Variants in HIPK2 observed in about 807,000 individuals in gnomAD.
The protein encoded by HIPK2 is homeodomain-interacting protein kinase 2.
HIPK2 carries 27 observed loss-of-function variants against 113.7 expected under a neutral mutation model. The observed-to-expected ratio is 0.24, with a 90% CI of 0.17 to 0.33. HIPK2 has a LOEUF of 0.33. HIPK2 is among the 10% of genes least tolerant of loss of function. The pLI is 1.00. For missense variants in HIPK2, 1,257 were observed against 1,588.0 expected (o/e 0.79, Z 3.54); for synonymous variants, 631 against 642.2 (o/e 0.98, Z 0.26).
intron 1 of HIPK2, among the ~76,000 whole-genome samples, chr7:139,735,766 C>G (rs1206528562): frequency 6.6e-6 from 1 of 152,180 alleles, no homozygotes; most frequent in Non-Finnish European, 1.5e-5. Context: ...CAGGGGTGAG[C>G]TGAAACACAG....
intron 2 of HIPK2, among the ~76,000 whole-genome samples, chr7:139,698,510 G>A (rs1794623669): frequency 6.6e-6 from 1 of 152,204 alleles, no homozygotes; most frequent in African/African-American, 2.4e-5. Flanking sequence ...GCAATTCTAT[G>A]CTTACGTTTT....
intron 7 of HIPK2, among the ~76,000 whole-genome samples, chr7:139,618,151 T>A (rs1800119758): frequency 6.6e-6 from 1 of 152,170 alleles, no homozygotes; most frequent in Admixed American, 6.5e-5. Flanking sequence ...TCCTCTAAAA[T>A]GGAAATGATA....
chr7:139,593,708 G>T (rs576900285), intron 12 of HIPK2, among the ~76,000 whole-genome samples: 3 of 152,192 alleles, frequency 2.0e-5, no homozygotes, highest in African/African-American at 7.2e-5. Context: ...TGGCACTGGG[G>T]TAAGTAGCAA....
rs1414586248 is a variant in HIPK2, at chr7:139,732,958, G to A, written c.20-15943C>T. 6.6e-5 allele frequency among the ~76,000 whole-genome samples: 10 copies of A among 151,758 alleles called. No individual in the cohort carries two copies. The East Asian group carries it at 1.7e-3, about 26-fold the overall frequency. ...TGGGAGGTGACTGGATCATGCGGGT[G>A]GTTTCTCAAGAATGGTTTAGCACCA... On this transcript the variant is annotated intron_variant, in intron 1 of 14. Coordinates refer to ENST00000406875, the MANE Select transcript of HIPK2 (RefSeq NM_022740.5).
intron 2 of HIPK2, among the ~76,000 whole-genome samples, chr7:139,649,028 C>T (rs1801354172): frequency 6.6e-6 from 1 of 152,074 alleles, no homozygotes; most frequent in Non-Finnish European, 1.5e-5. Context: ...CACCATATTT[C>T]CTCTGTTCTT....
intron 12 of HIPK2, among the ~76,000 whole-genome samples, chr7:139,590,085 G>A (rs907672446): frequency 4.6e-5 from 7 of 152,154 alleles, no homozygotes; most frequent in Admixed American, 3.9e-4. Context: ...AGATGACTAC[G>A]GCAGATTCTT....
chr7:139,710,193 G>A (rs1251436914), intron 2 of HIPK2, among the ~76,000 whole-genome samples: 1 of 152,074 alleles, frequency 6.6e-6, no homozygotes, highest in Non-Finnish European at 1.5e-5. Context: ...AGCCCCTCAA[G>A]CCTGTATTCA....
At chr7:139,653,497 C>T (rs1031285643) in intron 2 of HIPK2, among the ~76,000 whole-genome samples, 4 of 150,768 alleles carry the variant, frequency 2.7e-5, no homozygotes, top group Non-Finnish European at 5.9e-5. Context: ...CCATGGACCT[C>T]GGGAAGGAGG....
At chr7:139,707,075 C>T (rs1402636467) in intron 2 of HIPK2, among the ~76,000 whole-genome samples, 1 of 152,248 alleles carries the variant, frequency 6.6e-6, no homozygotes, top group Non-Finnish European at 1.5e-5. Context: ...CCCAGGCACA[C>T]TCCTGGAGGC....
chr7:139,725,725 C>A (rs1219362969), intron 1 of HIPK2, among the ~76,000 whole-genome samples: 1 of 152,204 alleles, frequency 6.6e-6, no homozygotes, highest in Non-Finnish European at 1.5e-5. Flanking sequence ...ATTGCCTTTG[C>A]TCTCTATATG....
At chr7:139,646,587 T>C (rs1801238841) in intron 2 of HIPK2, among the ~76,000 whole-genome samples, 1 of 152,056 alleles carries the variant, frequency 6.6e-6, no homozygotes, top group Admixed American at 6.6e-5. Context: ...ACCAGTTTTC[T>C]TATCCTAACA....
At chr7:139,751,060 A>C (rs1796270396) in intron 1 of HIPK2, among the ~76,000 whole-genome samples, 1 of 152,120 alleles carries the variant, frequency 6.6e-6, no homozygotes, top group South Asian at 2.1e-4. Context: ...TTTATGTATC[A>C]TATGGTTTAT....
At chr7:139,597,041 C>A in intron 11 of HIPK2, 43 bp from the exon 12 acceptor site, 1 of 1,546,122 alleles carries the variant, frequency 6.5e-7, no homozygotes, top group South Asian at 1.2e-5. Flanking sequence ...GAAGGTCAGG[C>A]CCCACAACTC....
intron 11 of HIPK2, among the ~76,000 whole-genome samples, chr7:139,599,911 G>A (rs986530397): frequency 1.3e-5 from 2 of 152,108 alleles, no homozygotes; most frequent in Non-Finnish European, 2.9e-5. Context: ...ACCTTGCTAA[G>A]TCAGTTTAGC....
chr7:139,610,401 T>A (rs1799773169), intron 9 of HIPK2, among the ~76,000 whole-genome samples: 2 of 152,228 alleles, frequency 1.3e-5, no homozygotes, highest in Non-Finnish European at 2.9e-5. Flanking sequence ...GAAGCTTTTT[T>A]GCCCCTGGAC....
chr7:139,602,432 T>C (rs1481047915), intron 10 of HIPK2, among the ~76,000 whole-genome samples: 1 of 152,162 alleles, frequency 6.6e-6, no homozygotes, highest in Admixed American at 6.5e-5. Context: ...ATGCTGGCTT[T>C]AGATGTCTCC....
At chr7:139,644,403 A>C (rs528349015) in intron 2 of HIPK2, among the ~76,000 whole-genome samples, 29 of 152,272 alleles carry the variant, frequency 1.9e-4, no homozygotes, top group African/African-American at 6.7e-4. Context: ...TGCACACTCA[A>C]GCCTGGGTAT....
intron 6 of HIPK2, among the ~76,000 whole-genome samples, chr7:139,623,640 G>C (rs115652149): frequency 0.013 from 1,945 of 152,158 alleles, 41 homozygotes; most frequent in African/African-American, 0.043. Context: ...CATTAAAGAG[G>C]CACTATCTGT....
chr7:139,678,023 G>C (rs536994739), intron 2 of HIPK2, among the ~76,000 whole-genome samples: 1 of 152,250 alleles, frequency 6.6e-6, no homozygotes, highest in African/African-American at 2.4e-5. Flanking sequence ...GTCTTCTTTC[G>C]AGAAGTGTCT....
Sources: gnomAD v4.1 joint callset for allele counts (sites outside exome capture counted in the v4.1 genomes callset) on GRCh38, gnomAD v4.1.1 for gene constraint, MANE v1.5 for transcripts, NCBI Gene and HGNC (gene_info 2026-07-23, HGNC 2026-07-21) for gene names.